The following MTUS2 variants were observed in gnomAD, a reference collection of about 807,000 sequenced individuals.
The protein encoded by MTUS2 is microtubule associated scaffold protein 2.
A neutral mutation model predicts 114.1 loss-of-function variants in MTUS2; 40 were observed. The observed-to-expected ratio is 0.35, with a 90% CI of 0.27 to 0.46. MTUS2 has a LOEUF of 0.46. Among genes scored for constraint, MTUS2 ranks in the 20% least tolerant of loss-of-function variants. The pLI, the probability that MTUS2 is intolerant of heterozygous loss-of-function variation, is 1.00. For missense variants in MTUS2, 1,679 were observed against 1,705.4 expected (o/e 0.98, Z 0.27); for synonymous variants, 688 against 672.0 (o/e 1.02, Z -0.37).
At chr13:29,252,209 A>C (rs1303800113) in intron 5 of MTUS2, among the ~76,000 whole-genome samples, 2 of 152,188 alleles carry the variant, frequency 1.3e-5, no homozygotes, top group Admixed American at 6.5e-5. Flanking sequence ...TATCTTAATA[A>C]TTACTATTAA....
At chr13:28,892,577 A>G (rs922517030) in intron 2 of MTUS2, among the ~76,000 whole-genome samples, 4 of 152,226 alleles carry the variant, frequency 2.6e-5, no homozygotes, top group Non-Finnish European at 5.9e-5. Flanking sequence ...TTCAGATTGA[A>G]GATGACTCTG....
At chr13:28,884,058 A>T (rs1162080557) in intron 2 of MTUS2, among the ~76,000 whole-genome samples, 1 of 152,172 alleles carries the variant, frequency 6.6e-6, no homozygotes, top group African/African-American at 2.4e-5. Flanking sequence ...ACTTCTGGAT[A>T]TATAGTCTGA....
chr13:28,888,846 G>A (rs1050615035), intron 2 of MTUS2, among the ~76,000 whole-genome samples: 4 of 152,166 alleles, frequency 2.6e-5, no homozygotes, highest in African/African-American at 9.7e-5. Flanking sequence ...TTGAGATATT[G>A]CAAGCAACCT....
intron 5 of MTUS2, among the ~76,000 whole-genome samples, chr13:29,151,119 A>G (rs1166818689): frequency 2.0e-5 from 3 of 152,188 alleles, no homozygotes; most frequent in African/African-American, 7.2e-5. Context: ...TTGAATCTAC[A>G]GATTGCTTTG....
At chr13:29,263,449 AT>A (rs1289470965) in intron 5 of MTUS2, among the ~76,000 whole-genome samples, 1 of 152,166 alleles carries the variant, frequency 6.6e-6, no homozygotes, top group African/African-American at 2.4e-5. Context: ...GAGTAGTGAA[AT>A]GCGTCTCTGT....
chr13:28,883,278 A>G (rs1315972611), intron 2 of MTUS2, among the ~76,000 whole-genome samples: 1 of 152,224 alleles, frequency 6.6e-6, no homozygotes, highest in Non-Finnish European at 1.5e-5. Context: ...TAACTACACA[A>G]CTCGGCAATT....
At chr13:29,478,684 A>G (rs1880901278) in intron 9 of MTUS2, among the ~76,000 whole-genome samples, 1 of 151,792 alleles carries the variant, frequency 6.6e-6, no homozygotes, top group Non-Finnish European at 1.5e-5. Flanking sequence ...GCATCTCCTT[A>G]CTGCCTACAC....
chr13:29,143,630 T>C (rs1892315526), intron 5 of MTUS2, among the ~76,000 whole-genome samples: 1 of 152,222 alleles, frequency 6.6e-6, no homozygotes, highest in South Asian at 2.1e-4. Flanking sequence ...GATTTCCTCA[T>C]AGAATGGAGT....
intron 8 of MTUS2, among the ~76,000 whole-genome samples, chr13:29,364,890 C>A (rs890652818): frequency 1.3e-5 from 2 of 152,136 alleles, no homozygotes; most frequent in African/African-American, 4.8e-5. Context: ...CGATGCTCTG[C>A]GATTATCTTC....
At chr13:28,921,401 G>T (rs905998616) in intron 2 of MTUS2, among the ~76,000 whole-genome samples, 5 of 152,214 alleles carry the variant, frequency 3.3e-5, no homozygotes, top group African/African-American at 1.2e-4. Flanking sequence ...TATCCAAGAT[G>T]TAAGGCAAAG....
At chr13:28,945,698 GTTGT>G (rs772521829) in intron 2 of MTUS2, among the ~76,000 whole-genome samples, 1 of 152,094 alleles carries the variant, frequency 6.6e-6, no homozygotes, top group African/African-American at 2.4e-5. Context: ...TTGTTGTTGA[GTTGT>G]TTGAGTTCCT....
intron 4 of MTUS2, among the ~76,000 whole-genome samples, chr13:29,059,362 C>T (rs7986144): frequency 0.58 from 87,096 of 151,458 alleles, 25,464 homozygotes; most frequent in South Asian, 0.73. Flanking sequence ...CTTCCAATTA[C>T]TGTCTCCATG....
chr13:28,863,945 A>G (rs1593254969), intron 2 of MTUS2, among the ~76,000 whole-genome samples: 1 of 152,086 alleles, frequency 6.6e-6, no homozygotes, highest in African/African-American at 2.4e-5. Context: ...ATCCTCCTGC[A>G]TCAGCCTCCA....
chr13:28,918,590 G>A (rs1166916477), intron 2 of MTUS2, among the ~76,000 whole-genome samples: 1 of 151,732 alleles, frequency 6.6e-6, no homozygotes, highest in African/African-American at 2.4e-5. Context: ...GTGTGTGTGG[G>A]GAACAGATAA....
intron 5 of MTUS2, among the ~76,000 whole-genome samples, chr13:29,199,222 C>G (rs1894833957): frequency 6.6e-6 from 1 of 152,152 alleles, no homozygotes; most frequent in Admixed American, 6.5e-5. Flanking sequence ...CCTTCCAATA[C>G]TATGTTGAAT....
intron 6 of MTUS2, among the ~76,000 whole-genome samples, chr13:29,287,804 C>T (rs1020066824): frequency 1.3e-5 from 2 of 152,102 alleles, no homozygotes; most frequent in Non-Finnish European, 2.9e-5. Context: ...ATGAGGTTAG[C>T]GGGTATTATG....
At chr13:29,301,771 T>G (rs927865387) in intron 6 of MTUS2, among the ~76,000 whole-genome samples, 3 of 152,206 alleles carry the variant, frequency 2.0e-5, no homozygotes, top group African/African-American at 7.2e-5. Context: ...TCAGGCTGCT[T>G]TAATAAAATA....
chr13:29,035,289 A>T (rs1242727997), intron 4 of MTUS2, among the ~76,000 whole-genome samples: 1 of 152,194 alleles, frequency 6.6e-6, no homozygotes, highest in African/African-American at 2.4e-5. Context: ...AGTAACACTG[A>T]TGGGTATCAC....
At chr13:29,116,510 T>C (rs1025553319) in intron 5 of MTUS2, among the ~76,000 whole-genome samples, 4 of 152,196 alleles carry the variant, frequency 2.6e-5, no homozygotes, top group African/African-American at 9.7e-5. Flanking sequence ...TACCAAAGGA[T>C]ACATATACCG....
Sources: allele counts gnomAD v4.1 joint callset (sites outside exome capture counted in the v4.1 genomes callset), GRCh38; gene constraint gnomAD v4.1.1; transcripts MANE v1.5; gene names NCBI Gene and HGNC (gene_info 2026-07-23, HGNC 2026-07-21).